Variants in PPP2R2C observed in about 807,000 individuals in gnomAD.
PPP2R2C encodes protein phosphatase 2 regulatory subunit Bgamma.
PPP2R2C carries 10 observed loss-of-function variants against 45.3 expected under a neutral mutation model. The ratio of observed to expected loss-of-function variants is 0.22; its 90% CI spans 0.14 to 0.37. The LOEUF is 0.37. PPP2R2C is among the 10% of genes least tolerant of loss of function. The pLI is 1.00. For synonymous variants in PPP2R2C, 257 were observed against 245.4 expected, an observed-to-expected ratio of 1.05 and a Z score of -0.44; for missense variants, 308 against 619.7, an observed-to-expected ratio of 0.50 and a Z score of 5.34.
At chr4:6,483,141 A>AGATT (rs57045507) in intron 2 of PPP2R2C, among the ~76,000 whole-genome samples, 1 of 88,234 alleles carries the variant, frequency 1.1e-5, no homozygotes, top group African/African-American at 3.7e-5. Context: ...ATAGATAGAT[A>AGATT]GATTGATTGA....
At chr4:6,367,660 T>A (rs2109283049) in intron 5 of PPP2R2C, among the ~76,000 whole-genome samples, 1 of 152,296 alleles carries the variant, frequency 6.6e-6, no homozygotes, top group African/African-American at 2.4e-5. Flanking sequence ...TCAGTCCTCA[T>A]CGCAGCACCT....
chr4:6,442,836 A>T (rs76458549), intron 1 of PPP2R2C, among the ~76,000 whole-genome samples: 12,362 of 152,256 alleles, frequency 0.081, 869 homozygotes, highest in East Asian at 0.37. Context: ...GTCCATGCTC[A>T]TACCACAGCC....
intron 2 of PPP2R2C, among the ~76,000 whole-genome samples, chr4:6,502,357 G>T (rs1406849672): frequency 6.6e-6 from 1 of 152,128 alleles, no homozygotes; most frequent in Non-Finnish European, 1.5e-5. Flanking sequence ...GGTCTGTGAT[G>T]TACGGTGCAG....
chr4:6,532,684 G>A (rs1724444860), intron 2 of PPP2R2C, among the ~76,000 whole-genome samples: 1 of 152,224 alleles, frequency 6.6e-6, no homozygotes, highest in East Asian at 1.9e-4. Context: ...TGGCTTAGAA[G>A]ATGAAGCAGT....
chr4:6,527,447 T>G (rs1016972539), intron 2 of PPP2R2C, among the ~76,000 whole-genome samples: 2 of 151,958 alleles, frequency 1.3e-5, no homozygotes, highest in African/African-American at 4.8e-5. Context: ...GTGAGTCACC[T>G]CCCTGCCATG....
rs553406724 is a variant in PPP2R2C, at chr4:6,426,217, C to T, written c.71-45123G>A. Among the ~76,000 whole-genome samples the T allele has an allele frequency of 6.6e-5, 10 of 152,342 alleles. No individual in the cohort carries two copies. The East Asian group carries it at 1.5e-3, about 23-fold the overall frequency. ...ATGAGACAGCAGCCACAGCCTGCCT[C>T]CATCCTCGTCCATACTCATCACCCT... is the stretch of plus-strand genomic sequence containing the variant. On this transcript the variant is annotated intron_variant, in intron 1 of 8. Coordinates refer to ENST00000382599, the MANE Select transcript of PPP2R2C (RefSeq NM_020416.4).
chr4:6,521,946 T>C (rs1017128176), intron 2 of PPP2R2C, among the ~76,000 whole-genome samples: 9 of 152,220 alleles, frequency 5.9e-5, no homozygotes, highest in Non-Finnish European at 1.2e-4. Context: ...TTTGCTCTTA[T>C]TGGGTTCTGT....
intron 1 of PPP2R2C, among the ~76,000 whole-genome samples, chr4:6,551,549 G>C (rs531057532): frequency 6.6e-5 from 10 of 152,204 alleles, no homozygotes; most frequent in Non-Finnish European, 5.9e-5. Context: ...CAAGAGCCTA[G>C]CAGAAATGAA....
upstream of PPP2R2C, among the ~76,000 whole-genome samples, chr4:6,472,880 G>A (rs996380072): frequency 2.0e-5 from 3 of 152,024 alleles, no homozygotes; most frequent in African/African-American, 7.2e-5. Flanking sequence ...TGGGAGAGAA[G>A]GCCAAGAGCC....
At chr4:6,401,015 G>A (rs1717381069) in intron 1 of PPP2R2C, among the ~76,000 whole-genome samples, 1 of 152,174 alleles carries the variant, frequency 6.6e-6, no homozygotes, top group Admixed American at 6.5e-5. Context: ...TGGTCAAGTG[G>A]CACGTGGCAG....
At chr4:6,335,504 G>A (rs1480712467) in intron 6 of PPP2R2C, among the ~76,000 whole-genome samples, 1 of 152,146 alleles carries the variant, frequency 6.6e-6, no homozygotes, top group Non-Finnish European at 1.5e-5. Context: ...GGCCACCCAC[G>A]CAGGATCTCA....
intron 1 of PPP2R2C, among the ~76,000 whole-genome samples, chr4:6,458,723 T>C (rs1721172223): frequency 6.6e-6 from 1 of 150,842 alleles, no homozygotes; most frequent in South Asian, 2.1e-4. Flanking sequence ...GCTGGCAGGG[T>C]GCAGCGGAAG....
At position 6,530,586 on chromosome 4, in the gene PPP2R2C, T is replaced by C. The variant is rs1008834930; in HGVS notation, c.49+4685A>G. Among the ~76,000 whole-genome samples, 11 of 152,216 alleles carry C rather than the reference T, an allele frequency of 7.2e-5. 1 individual carries two copies. In the East Asian group the frequency reaches 2.1e-3, roughly 29 times the overall value. On this transcript the variant is annotated intron_variant, in intron 2 of 9. Coordinates refer to the PPP2R2C transcript ENST00000506140. ...CCTGCCCGCTGTCCGGGTAACAACA[T>C]GACAGCAGGGTGTGACTCTGAGCTG... is the stretch of plus-strand genomic sequence containing the variant.
intron 1 of PPP2R2C, among the ~76,000 whole-genome samples, chr4:6,452,689 G>A (rs1020389092): frequency 2.9e-4 from 44 of 152,344 alleles, no homozygotes; most frequent in African/African-American, 9.4e-4. Flanking sequence ...CCAGTTTGGG[G>A]TTTTGATGAG....
At chr4:6,413,118 G>A (rs2109372841) in intron 1 of PPP2R2C, among the ~76,000 whole-genome samples, 1 of 152,052 alleles carries the variant, frequency 6.6e-6, no homozygotes. Context: ...CAGATTGCCT[G>A]CTATTTCCCC....
intron 1 of PPP2R2C, among the ~76,000 whole-genome samples, chr4:6,393,947 C>A (rs763568726): frequency 6.6e-6 from 1 of 152,206 alleles, no homozygotes; most frequent in Non-Finnish European, 1.5e-5. Flanking sequence ...CAAAGGCAAC[C>A]AGGCAGCCTG....
chr4:6,542,709 A>AAAAAAAAAAAAAAAAG lies in PPP2R2C; in HGVS notation c.-58-7333_-58-7332insCTTTTTTTTTTTTTTT, dbSNP rs112182178. On this transcript the variant is annotated intron_variant, in intron 1 of 9. Transcript: ENST00000506140. The stretch of plus-strand genomic sequence containing the variant: ...CAGAGCAAGACTCTGTCTCAAAAAA[A>AAAAAAAAAAAAAAAAG]AAAAAGAAAAAGAAAAAAAGATCAT... Among the ~76,000 whole-genome samples, 35 of 127,828 alleles carry AAAAAAAAAAAAAAAAG rather than the reference A, an allele frequency of 2.7e-4. 3 individuals are homozygous for AAAAAAAAAAAAAAAAG. The highest frequency in any genetic ancestry group is 3.7e-4 in the Non-Finnish European group (23 of 62,640). The allele number at this position is 127,828 out of a possible 152,430, so 83.9% of individuals were successfully genotyped here. A position where few individuals can be genotyped will look rare whatever the true frequency, so the allele number is the denominator to read the frequency against.
chr4:6,377,837 G>A (rs771583135), intron 3 of PPP2R2C, among the ~76,000 whole-genome samples: 8 of 152,114 alleles, frequency 5.3e-5, no homozygotes, highest in Non-Finnish European at 1.0e-4. Flanking sequence ...GGAAGCAGGC[G>A]TCAGGCCGAG....
chr4:6,348,765 A>G, intron 5 of PPP2R2C: 1 of 898,328 alleles, frequency 1.1e-6, no homozygotes, highest in Non-Finnish European at 1.3e-6. Flanking sequence ...TGGGGCAGAC[A>G]GTGGAAAGAG....
Sources: allele counts gnomAD v4.1 joint callset (sites outside exome capture counted in the v4.1 genomes callset), GRCh38; gene constraint gnomAD v4.1.1; transcripts MANE v1.5; gene names NCBI Gene and HGNC (gene_info 2026-07-23, HGNC 2026-07-21).